SYTL5: variants seen among roughly 807,000 people sequenced by gnomAD.
SYTL5 encodes synaptotagmin like 5.
In SYTL5, 34 loss-of-function variants were observed where a neutral mutation model predicts 55.9. The ratio of observed to expected loss-of-function variants is 0.61; its 90% CI spans 0.46 to 0.81. SYTL5 has a LOEUF of 0.81. Among genes scored for constraint, SYTL5 ranks in the 30% least tolerant of loss-of-function variants. The pLI, the probability that SYTL5 is intolerant of heterozygous loss-of-function variation, is 0.00. For missense variants in SYTL5, 637 were observed against 546.7 expected (o/e 1.17, Z -1.65); for synonymous variants, 221 against 188.7 (o/e 1.17, Z -1.40).
At chrX:37,894,975 C>T in the SYTL5 span, among the ~76,000 whole-genome samples, 1 of 111,420 alleles carries the variant, frequency 9.0e-6, no homozygotes, top group Non-Finnish European at 1.9e-5. Flanking sequence ...GGTGCTCCAG[C>T]TTGCAAAGGG....
intron 2 of SYTL5, among the ~76,000 whole-genome samples, chrX:38,037,868 G>A (rs1272203302): frequency 9.0e-6 from 1 of 111,026 alleles, no homozygotes; most frequent in African/African-American, 3.3e-5. Flanking sequence ...TGGCTCATAT[G>A]ATTATGGAGG....
the SYTL5 span, among the ~76,000 whole-genome samples, chrX:37,939,077 G>A: frequency 9.1e-6 from 1 of 109,869 alleles, no homozygotes; most frequent in Non-Finnish European, 1.9e-5. Context: ...GACCAACATG[G>A]AGAAACCACG....
the SYTL5 span, among the ~76,000 whole-genome samples, chrX:37,898,170 G>T: frequency 2.1e-4 from 23 of 111,897 alleles, no homozygotes; most frequent in African/African-American, 7.1e-4. Context: ...GTGTCCTCAC[G>T]TGGGGGAAGG....
At chrX:37,901,930 C>T in the SYTL5 span, among the ~76,000 whole-genome samples, 20 of 111,373 alleles carry the variant, frequency 1.8e-4, no homozygotes, top group African/African-American at 6.5e-4. Flanking sequence ...ACTACATGGG[C>T]CTGATAAATA....
intron 6 of SYTL5, among the ~76,000 whole-genome samples, chrX:38,087,285 A>G (rs1395966992): frequency 8.9e-6 from 1 of 111,991 alleles, no homozygotes; most frequent in Non-Finnish European, 1.9e-5. Flanking sequence ...TACAGCATCA[A>G]TGGGAAAGTC....
intron 2 of SYTL5, among the ~76,000 whole-genome samples, chrX:38,046,549 A>G (rs752310102): frequency 3.6e-5 from 4 of 111,833 alleles, no homozygotes; most frequent in Admixed American, 9.5e-5. Flanking sequence ...CCCACAACAC[A>G]TGGGAATTAT....
At chrX:37,934,640 C>CTT in the SYTL5 span, among the ~76,000 whole-genome samples, 3,102 of 97,221 alleles carry the variant, frequency 0.032, 160 homozygotes, top group African/African-American at 0.11. Flanking sequence ...TTTTTTTTTT[C>CTT]TTTTTTTTTT....
chrX:38,089,689 A>C, intron 7 of SYTL5, 102 bp downstream of exon 7: 1 of 924,821 alleles, frequency 1.1e-6, no homozygotes, highest in Non-Finnish European at 1.5e-6. Context: ...GATTTAATTG[A>C]CTCACAGTTC....
the SYTL5 span, among the ~76,000 whole-genome samples, chrX:37,964,449 G>T: frequency 8.9e-6 from 1 of 111,770 alleles, no homozygotes; most frequent in Non-Finnish European, 1.9e-5. Context: ...AATCTCACTT[G>T]GTAATGGTAC....
the SYTL5 span, among the ~76,000 whole-genome samples, chrX:37,931,628 G>T: frequency 2.7e-5 from 3 of 111,598 alleles, no homozygotes; most frequent in Non-Finnish European, 5.6e-5. Context: ...TGTTTTGCTT[G>T]CTGCTGTATC....
At chrX:37,970,263 T>A in the SYTL5 span, among the ~76,000 whole-genome samples, 1 of 110,845 alleles carries the variant, frequency 9.0e-6, no homozygotes, top group Non-Finnish European at 1.9e-5. Flanking sequence ...GTCTTAAACA[T>A]CCCTCTTTCT....
chrX:38,111,021 T>A (rs760643157), intron 13 of SYTL5, among the ~76,000 whole-genome samples: 1 of 112,217 alleles, frequency 8.9e-6, no homozygotes, highest in East Asian at 2.8e-4. Context: ...GATAATTAAA[T>A]GCCAATACTG....
Position 38,073,698 on chromosome X carries a change from G to A in SYTL5, c.554G>A (p.Gly185Glu), listed in dbSNP as rs1398829470. The A allele has an allele frequency of 1.8e-6, 2 of 1,132,484 alleles. No homozygotes were observed. The highest frequency in any genetic ancestry group is 2.0e-5 in the South Asian group (1 of 50,107). The allele number at this position is 1,132,484 out of a possible 1,213,427, so 93.3% of individuals were successfully genotyped here. A position where few individuals can be genotyped will look rare whatever the true frequency, so the allele number is the denominator to read the frequency against. ...KASHDGPKRKGFLLSKFRSAT... is the reference protein window; with the variant it reads ...KASHDGPKRKEFLLSKFRSAT... ...AGCCATGATGGGCCCAAGAGAAAGG[G>A]GTAAGACATGGTCTTTCTGAGGGAA... The change falls in exon 5 of 17, where the codon GGA becomes GAA. Residue 185 changes from glycine to glutamate, a missense_variant and splice_region_variant. By Grantham distance (98) the Gly-to-Glu change is moderately conservative. Transcript: ENST00000297875.
intron 3 of SYTL5, among the ~76,000 whole-genome samples, chrX:38,060,114 A>C (rs1055436592): frequency 2.7e-5 from 3 of 111,264 alleles, no homozygotes; most frequent in African/African-American, 9.8e-5. Flanking sequence ...TCTAAATATC[A>C]TTACAAGGTA....
At chrX:38,084,399 G>A (rs1423113190) in intron 6 of SYTL5, among the ~76,000 whole-genome samples, 1 of 112,220 alleles carries the variant, frequency 8.9e-6, no homozygotes, top group African/African-American at 3.2e-5. Flanking sequence ...AACACAAAGA[G>A]GGGGTCATGG....
chrX:37,962,845 G>A, the SYTL5 span, among the ~76,000 whole-genome samples: 1 of 111,773 alleles, frequency 8.9e-6, no homozygotes, highest in African/African-American at 3.3e-5. Context: ...GTACAATCAG[G>A]GAGGCTCCAC....
chrX:37,920,142 G>A, the SYTL5 span, among the ~76,000 whole-genome samples: 1 of 111,480 alleles, frequency 9.0e-6, no homozygotes, highest in East Asian at 2.8e-4. Context: ...TCAATCAGTA[G>A]GTTTAATATC....
intron 3 of SYTL5, among the ~76,000 whole-genome samples, chrX:38,064,271 A>G (rs1421172411): frequency 9.0e-6 from 1 of 111,675 alleles, no homozygotes; most frequent in Non-Finnish European, 1.9e-5. Flanking sequence ...ATTCTTTTTT[A>G]TAGTGGTTGT....
At chrX:37,903,630 A>G in the SYTL5 span, among the ~76,000 whole-genome samples, 1 of 109,842 alleles carries the variant, frequency 9.1e-6, no homozygotes, top group Non-Finnish European at 1.9e-5. Context: ...CAGCACACCA[A>G]CATGGCACAT....
Sources: gnomAD v4.1 joint callset for allele counts (sites outside exome capture counted in the v4.1 genomes callset) on GRCh38, gnomAD v4.1.1 for gene constraint, MANE v1.5 for transcripts, NCBI Gene and HGNC (gene_info 2026-07-23, HGNC 2026-07-21) for gene names.